The following KIAA0825 variants were observed in gnomAD, a reference collection of about 807,000 sequenced individuals.
The protein encoded by KIAA0825 is KIAA0825.
Under a neutral mutation model 147.6 loss-of-function variants are expected in KIAA0825, and 119 were observed. The ratio of observed to expected loss-of-function variants is 0.81; its 90% CI spans 0.69 to 0.94. KIAA0825 has a LOEUF of 0.94. Ranked by LOEUF, KIAA0825 falls within the 40% of genes least tolerant of loss-of-function variation. The probability of loss-of-function intolerance (pLI) is 0.00; values close to 1 mark genes in which losing one functional copy is unlikely to be tolerated. For missense variants in KIAA0825, 1,381 were observed against 1,472.7 expected, an observed-to-expected ratio of 0.94 and a Z score of 1.02; for synonymous variants, 470 against 518.1, an observed-to-expected ratio of 0.91 and a Z score of 1.26.
chr5:94,158,697 G>T (rs1041775556), intron 20 of KIAA0825, among the ~76,000 whole-genome samples: 1 of 152,104 alleles, frequency 6.6e-6, no homozygotes, highest in East Asian at 1.9e-4. Flanking sequence ...CAGAATGAGG[G>T]TTTAGAAGTT....
Position 94,537,132 on chromosome 5 carries a change from G to C in KIAA0825, c.-1-5C>G. On this transcript the variant is annotated splice_region_variant and splice_polypyrimidine_tract_variant and intron_variant, in intron 2 of 20. Coordinates refer to ENST00000682413, the MANE Select transcript of KIAA0825 (RefSeq NM_001145678.3). ...TATTCATCATCCCAATCCATTCTGA[G>C]GAGCAAGAATAAATAATAAAACATG... 1 of 1,599,946 alleles carries C rather than the reference G, an allele frequency of 6.3e-7. No individual in the cohort carries two copies. The highest frequency in any genetic ancestry group is 8.5e-7 in the Non-Finnish European group (1 of 1,174,018).
intron 20 of KIAA0825, among the ~76,000 whole-genome samples, chr5:94,230,042 T>C (rs988760384): frequency 1.4e-4 from 22 of 152,202 alleles, no homozygotes; most frequent in African/African-American, 5.1e-4. Flanking sequence ...AAGAACTCTT[T>C]GGAAGATATG....
chr5:94,394,358 T>G (rs1031940222), intron 17 of KIAA0825, among the ~76,000 whole-genome samples: 1 of 152,182 alleles, frequency 6.6e-6, no homozygotes, highest in Non-Finnish European at 1.5e-5. Flanking sequence ...ACTCAGAAAC[T>G]TTGAGGGCTG....
At chr5:94,185,773 C>G (rs1770063214) in intron 20 of KIAA0825, among the ~76,000 whole-genome samples, 1 of 151,736 alleles carries the variant, frequency 6.6e-6, no homozygotes, top group Admixed American at 6.6e-5. Flanking sequence ...GATATTGGCA[C>G]AGAAAAAAAG....
At chr5:94,412,540 A>G (rs575273989) in intron 15 of KIAA0825, among the ~76,000 whole-genome samples, 3 of 151,220 alleles carry the variant, frequency 2.0e-5, no homozygotes, top group South Asian at 4.2e-4. Context: ...AGCTGGGATT[A>G]CAGGCACGCG....
intron 20 of KIAA0825, among the ~76,000 whole-genome samples, chr5:94,340,660 C>T (rs1782276232): frequency 6.6e-6 from 1 of 152,082 alleles, no homozygotes; most frequent in Admixed American, 6.6e-5. Flanking sequence ...ATTAGTCTGA[C>T]ATTATGTGAA....
At chr5:94,490,577 ATACTT>A (rs1763613681) in intron 5 of KIAA0825, among the ~76,000 whole-genome samples, 1 of 152,120 alleles carries the variant, frequency 6.6e-6, no homozygotes, top group African/African-American at 2.4e-5. Context: ...AAAATAAAAT[ATACTT>A]TAGGAAAAAG....
intron 17 of KIAA0825, among the ~76,000 whole-genome samples, chr5:94,393,504 T>G (rs376455004): frequency 6.6e-6 from 1 of 152,326 alleles, no homozygotes; most frequent in South Asian, 2.1e-4. Flanking sequence ...TGCAGTTATT[T>G]TCACCATTTC....
intron 20 of KIAA0825, among the ~76,000 whole-genome samples, chr5:94,195,859 G>A (rs1771083936): frequency 6.6e-6 from 1 of 151,904 alleles, no homozygotes; most frequent in South Asian, 2.1e-4. Flanking sequence ...ACCTCACTAG[G>A]TAGTAACCTT....
Position 94,608,441 on chromosome 5 carries a change from A to ATGTGTGTGTATATGTGTGTGTGTGTG in KIAA0825, c.-153+10058_-153+10059insCACACACACACACATATACACACACA, listed in dbSNP as rs1449664800. On this transcript the variant is annotated intron_variant, in intron 1 of 20. Coordinates refer to ENST00000682413, the MANE Select transcript of KIAA0825 (RefSeq NM_001145678.3). ...CACACCTGGCTAATTTTGTGTGTGT[A>ATGTGTGTGTATATGTGTGTGTGTGTG]TGTGTGTGTGTATATATATATATTA... is the stretch of plus-strand genomic sequence containing the variant. 7.6e-4 allele frequency among the ~76,000 whole-genome samples: 29 copies of ATGTGTGTGTATATGTGTGTGTGTGTG among 37,964 alleles called. 3 individuals carry two copies. The highest frequency in any genetic ancestry group is 1.1e-3 in the African/African-American group (8 of 7,170). 24.9% of individuals were successfully genotyped at this position (37,964 alleles called of 152,430 possible).
At chr5:94,387,002 A>T (rs1423051237) in intron 18 of KIAA0825, among the ~76,000 whole-genome samples, 2 of 152,214 alleles carry the variant, frequency 1.3e-5, no homozygotes, top group Non-Finnish European at 2.9e-5. Flanking sequence ...GGGCAAAAAA[A>T]AAGCCAATCT....
chr5:94,276,509 C>T (rs903738831), intron 20 of KIAA0825, among the ~76,000 whole-genome samples: 2 of 151,244 alleles, frequency 1.3e-5, no homozygotes, highest in Admixed American at 1.3e-4. Flanking sequence ...TTTGACAAGC[C>T]TAGATTAAAA....
intron 13 of KIAA0825, among the ~76,000 whole-genome samples, chr5:94,447,146 T>G (rs1160436082): frequency 1.3e-5 from 2 of 152,088 alleles, no homozygotes; most frequent in Non-Finnish European, 2.9e-5. Flanking sequence ...TTGAGATGTC[T>G]TTATGATTTC....
intron 20 of KIAA0825, among the ~76,000 whole-genome samples, chr5:94,367,635 G>C (rs1746061965): frequency 6.6e-6 from 1 of 152,222 alleles, no homozygotes; most frequent in South Asian, 2.1e-4. Context: ...GGTGAAGGAT[G>C]CCTTGACATT....
intron 20 of KIAA0825, among the ~76,000 whole-genome samples, chr5:94,266,494 G>A (rs2150137695): frequency 6.6e-6 from 1 of 151,968 alleles, no homozygotes; most frequent in South Asian, 2.1e-4. Context: ...TTGAATTTTG[G>A]TGCTGTATTA....
chr5:94,419,001 G>A (rs998450057), intron 14 of KIAA0825, among the ~76,000 whole-genome samples: 12 of 152,002 alleles, frequency 7.9e-5, no homozygotes, highest in Non-Finnish European at 1.6e-4. Context: ...CAACAGCCTC[G>A]CAAGTAGGTC....
chr5:94,211,837 G>T (rs1157097195), intron 20 of KIAA0825, among the ~76,000 whole-genome samples: 3 of 152,064 alleles, frequency 2.0e-5, no homozygotes, highest in African/African-American at 7.2e-5. Context: ...TTTTCTTACA[G>T]AGCATATCCC....
intron 20 of KIAA0825, among the ~76,000 whole-genome samples, chr5:94,330,303 C>T (rs977645973): frequency 3.3e-5 from 5 of 152,116 alleles, no homozygotes; most frequent in African/African-American, 1.2e-4. Context: ...GCACATATAA[C>T]ATAGACCATA....
At chr5:94,335,116 C>T (rs937699532) in intron 20 of KIAA0825, among the ~76,000 whole-genome samples, 2 of 152,034 alleles carry the variant, frequency 1.3e-5, no homozygotes, top group African/African-American at 2.4e-5. Flanking sequence ...TCGATTACCC[C>T]CTCATTACTT....
Sources: allele counts gnomAD v4.1 joint callset (sites outside exome capture counted in the v4.1 genomes callset), GRCh38; gene constraint gnomAD v4.1.1; transcripts MANE v1.5; gene names NCBI Gene and HGNC (gene_info 2026-07-23, HGNC 2026-07-21).